Variants in KSR2 observed in about 807,000 individuals in gnomAD.
KSR2 encodes kinase suppressor of ras 2.
Under a neutral mutation model 107.8 loss-of-function variants are expected in KSR2, and 25 were observed. The ratio of observed to expected loss-of-function variants is 0.23; its 90% CI spans 0.17 to 0.32. The LOEUF is 0.32. Among genes scored for constraint, KSR2 ranks in the 10% least tolerant of loss-of-function variants. KSR2 has a pLI of 1.00. For missense variants in KSR2, 887 were observed against 1,268.9 expected, an observed-to-expected ratio of 0.70 and a Z score of 4.57; for synonymous variants, 480 against 507.0, an observed-to-expected ratio of 0.95 and a Z score of 0.71.
chr12:117,752,517 C>A (rs554752217), intron 4 of KSR2, among the ~76,000 whole-genome samples: 3 of 152,262 alleles, frequency 2.0e-5, no homozygotes, highest in African/African-American at 7.2e-5. Flanking sequence ...TGCCTACAAA[C>A]ATGAATAAAT....
chr12:117,885,085 G>A (rs1025198411), intron 1 of KSR2, among the ~76,000 whole-genome samples: 33 of 152,108 alleles, frequency 2.2e-4, no homozygotes, highest in African/African-American at 7.5e-4. Context: ...TCCACTGCCC[G>A]GGGGACACAC....
At chr12:117,713,072 T>A (rs1886849066) in intron 4 of KSR2, among the ~76,000 whole-genome samples, 2 of 149,528 alleles carry the variant, frequency 1.3e-5, no homozygotes, top group Admixed American at 1.3e-4. Flanking sequence ...TATACTTATA[T>A]AGATAGATTA....
In KSR2 at chr12:117,667,540, A is replaced by C. The variant is rs528687458; in HGVS notation, c.1105T>G (p.Phe369Val). Reference protein sequence around the residue: ...LLSERSLRSFFVGHAPFLPST... With the variant: ...LLSERSLRSFVVGHAPFLPST... ...GGCAGGAAAGGTGCGTGTCCCACAA[A>C]GAAGGAGCGGAGGGAGCGCTCGGAC... The change falls in exon 5 of 20, where the codon TTT becomes GTT. Residue 369 changes from phenylalanine (F) to valine (V), a missense_variant. Transcript: ENST00000339824. The C allele has an allele frequency of 6.2e-7, 1 of 1,613,096 alleles. No homozygotes were observed. Among genetic ancestry groups the C allele is most frequent in the South Asian group, 1.1e-5 (1 of 90,810 alleles).
chr12:117,949,686 T>C (rs1216729006), intron 1 of KSR2, among the ~76,000 whole-genome samples: 1 of 152,238 alleles, frequency 6.6e-6, no homozygotes, highest in Non-Finnish European at 1.5e-5. Context: ...TATATACAGC[T>C]CTTTTCCTTA....
rs1487970311 is a variant in KSR2, at chr12:117,453,721, A to G, written c.*13478T>C. ...TGGTACAAGATCAAGTCTCAAAGAG[A>G]GCGAGAAATGAGAGGCTTGGGGTGG... On this transcript the variant is annotated 3_prime_UTR_variant, in exon 20 of 20. Coordinates refer to ENST00000339824, the MANE Select transcript of KSR2 (RefSeq NM_173598.6). The G allele has an allele frequency of 2.0e-5, 3 of 152,182 alleles. No individual in the cohort carries two copies. The highest frequency in any genetic ancestry group is 4.4e-5 in the Non-Finnish European group (3 of 68,034). The allele number at this position is 152,182 out of a possible 1,614,324, so 9.4% of individuals were successfully genotyped here. A position where few individuals can be genotyped will look rare whatever the true frequency, so the allele number is the denominator to read the frequency against.
At position 117,929,229 on chromosome 12, in the gene KSR2, G is replaced by A. The variant is rs539075549; in HGVS notation, c.180+38847C>T. Among the ~76,000 whole-genome samples, 8 of 152,312 alleles carry A rather than the reference G, an allele frequency of 5.3e-5. No individual in the cohort carries two copies. The South Asian group carries it at 1.7e-3, about 32-fold the overall frequency. On this transcript the variant is annotated intron_variant, in intron 1 of 19. Coordinates refer to ENST00000339824, the MANE Select transcript of KSR2 (RefSeq NM_173598.6). ...CAATGTTCATAGCAGCATTGATATG[G>A]TTTGGCTGTGTCCCCACCCAAATTT... is the stretch of plus-strand genomic sequence containing the variant.
intron 1 of KSR2, among the ~76,000 whole-genome samples, chr12:117,916,171 CT>C (rs1164856249): frequency 1.5e-5 from 2 of 130,216 alleles, no homozygotes; most frequent in Non-Finnish European, 3.1e-5. Flanking sequence ...GAGTCTCACT[CT>C]GTCACCCAGG....
chr12:117,701,378 C>T (rs938191413), intron 4 of KSR2, among the ~76,000 whole-genome samples: 2 of 152,152 alleles, frequency 1.3e-5, no homozygotes, highest in Non-Finnish European at 2.9e-5. Flanking sequence ...CAGGTGTGAG[C>T]CACTGCACCA....
intron 5 of KSR2, among the ~76,000 whole-genome samples, chr12:117,628,431 T>C (rs1181545113): frequency 1.3e-5 from 2 of 152,220 alleles, no homozygotes; most frequent in African/African-American, 2.4e-5. Flanking sequence ...TTCTGTTTTT[T>C]AGTTTTCCTT....
At chr12:117,543,384 C>A (rs1345788843) in intron 9 of KSR2, among the ~76,000 whole-genome samples, 1 of 152,174 alleles carries the variant, frequency 6.6e-6, no homozygotes, top group African/African-American at 2.4e-5. Context: ...TATTCAACAT[C>A]TTTTCGTGTG....
intron 1 of KSR2, among the ~76,000 whole-genome samples, chr12:117,899,054 C>T (rs1234708538): frequency 6.6e-6 from 1 of 152,070 alleles, no homozygotes; most frequent in Non-Finnish European, 1.5e-5. Context: ...ATTACATCTT[C>T]GGTAGGTACA....
rs1050629165 is a variant in KSR2 at position 117,559,585 on chromosome 12, C to T, written c.1326-1012G>A. ...GCCGCTCATTTTTCTTAAAGCCTCA[C>T]GCTGTAGGACACATTCAACCAGGGC... On this transcript the variant is annotated intron_variant, in intron 7 of 19. Transcript: ENST00000339824. 3.9e-5 allele frequency among the ~76,000 whole-genome samples: 6 copies of T among 152,146 alleles called. No homozygotes were observed. In the East Asian group the frequency reaches 5.8e-4, roughly 15 times the overall value.
Position 117,476,485 on chromosome 12 carries a change from T to C in KSR2, c.2561A>G (p.His854Arg), listed in dbSNP as rs1214747704. The C allele has an allele frequency of 6.2e-7, 1 of 1,603,570 alleles. No individual in the cohort carries two copies. Among genetic ancestry groups the C allele is most frequent in the Non-Finnish European group, 8.5e-7 (1 of 1,175,148 alleles). Reference protein sequence around the residue: ...TEEDKLPFSKHSDVFALGTIW... With the variant: ...TEEDKLPFSKRSDVFALGTIW... ...TTACCCAAGGGCAAAGACGTCAGAG[T>C]GCTTGGAGAAGGGGAGCTTATCCTC... is the stretch of plus-strand genomic sequence containing the variant. Residue 854 changes from histidine to arginine, a missense_variant, in exon 17 of 20, where the codon CAC (histidine) becomes CGC (arginine). Coordinates refer to ENST00000339824, the MANE Select transcript of KSR2 (RefSeq NM_173598.6).
chr12:117,740,938 G>A (rs944760898), intron 4 of KSR2, among the ~76,000 whole-genome samples: 1 of 152,108 alleles, frequency 6.6e-6, no homozygotes, highest in African/African-American at 2.4e-5. Context: ...TCTTCTTGGG[G>A]GAATCCCCCA....
intron 5 of KSR2, among the ~76,000 whole-genome samples, chr12:117,627,500 CT>C (rs1288501445): frequency 6.6e-6 from 1 of 152,290 alleles, no homozygotes; most frequent in East Asian, 1.9e-4. Context: ...GTTGAAAATT[CT>C]TTTCTTTAAG....
chr12:117,840,076 TTTTATTTTATTTTAC>T (rs1892400129), intron 3 of KSR2, among the ~76,000 whole-genome samples: 1 of 150,458 alleles, frequency 6.6e-6, no homozygotes, highest in South Asian at 2.1e-4. Context: ...TTTTTTCCCA[TTTTATTTTATTTTAC>T]TTTATTTTAT....
Position 117,570,599 on chromosome 12 carries a change from C to T in KSR2, c.1325+8520G>A, listed in dbSNP as rs1004528615. On this transcript the variant is annotated intron_variant, in intron 7 of 19. Coordinates refer to ENST00000339824, the MANE Select transcript of KSR2 (RefSeq NM_173598.6). ...TCGATGTTGCTTCAACCCATGGAAGCGATTTAGTGGGTCTGTTTCTTTTTA... is the reference window on the plus strand; with the variant it reads ...TCGATGTTGCTTCAACCCATGGAAGTGATTTAGTGGGTCTGTTTCTTTTTA... Among the ~76,000 whole-genome samples the T allele has an allele frequency of 2.0e-5, 3 of 152,126 alleles. No homozygotes were observed. In the South Asian group the frequency reaches 6.2e-4, roughly 32 times the overall value.
chr12:117,471,391 C>T, intron 17 of KSR2, 71 bp from the exon 18 acceptor site: 1 of 1,503,222 alleles, frequency 6.7e-7, no homozygotes, highest in Non-Finnish European at 9.0e-7. Flanking sequence ...CCATTATTAG[C>T]ACACACCCAC....
At chr12:117,731,216 G>GTACCCAAC (rs1280586795) in intron 4 of KSR2, among the ~76,000 whole-genome samples, 1 of 151,102 alleles carries the variant, frequency 6.6e-6, no homozygotes, top group Non-Finnish European at 1.5e-5. Context: ...TCTGGGAGGT[G>GTACCCAAC]AGGAGTGTCT....
Sources: gnomAD v4.1 joint callset for allele counts (sites outside exome capture counted in the v4.1 genomes callset) on GRCh38, gnomAD v4.1.1 for gene constraint, MANE v1.5 for transcripts, NCBI Gene and HGNC (gene_info 2026-07-23, HGNC 2026-07-21) for gene names.